CLCA1: variants seen among roughly 807,000 people sequenced by gnomAD.
CLCA1 encodes the protein calcium-activated chloride channel regulator 1.
Under a neutral mutation model 85.6 loss-of-function variants are expected in CLCA1, and 59 were observed. The ratio of observed to expected loss-of-function variants is 0.69; its 90% CI spans 0.56 to 0.86. The LOEUF is 0.86. Ranked by LOEUF, CLCA1 falls within the 40% of genes least tolerant of loss-of-function variation. The pLI is 0.00. For synonymous variants in CLCA1, 396 were observed against 398.3 expected (o/e 0.99, Z 0.07); for missense variants, 1,022 against 1,101.4 (o/e 0.93, Z 1.02).
intron 8 of CLCA1, among the ~76,000 whole-genome samples, chr1:86,490,059 G>C (rs952932406): frequency 6.6e-6 from 1 of 152,228 alleles, no homozygotes; most frequent in Non-Finnish European, 1.5e-5. Flanking sequence ...GCCCACAGGG[G>C]ACTCTGGAAT....
At chr1:86,476,623 CT>C (rs2101730570) in intron 4 of CLCA1, 70 bp downstream of exon 4, 1 of 706,266 alleles carries the variant, frequency 1.4e-6, no homozygotes, top group South Asian at 2.0e-5. Context: ...GAATTGATTA[CT>C]TTAAAAAATG....
chr1:86,482,127 C>A (rs753230568), intron 4 of CLCA1, 78 bp from the exon 5 acceptor site: 4 of 1,033,056 alleles, frequency 3.9e-6, no homozygotes, highest in Non-Finnish European at 5.7e-6. Context: ...GAAAGGCAAT[C>A]TGTCAGAAAC....
chr1:86,474,366 A>G (rs1463307558), intron 3 of CLCA1, among the ~76,000 whole-genome samples: 2 of 152,192 alleles, frequency 1.3e-5, no homozygotes, highest in Non-Finnish European at 2.9e-5. Flanking sequence ...CATCCTGGCT[A>G]ACACAGTGAA....
chr1:86,484,124 G>A (rs190814405), intron 5 of CLCA1, among the ~76,000 whole-genome samples: 3 of 152,242 alleles, frequency 2.0e-5, no homozygotes, highest in East Asian at 1.9e-4. Flanking sequence ...CCCTCGACAC[G>A]TGGGGATTAC....
At chr1:86,471,805 T>C (rs769348103) in intron 1 of CLCA1, among the ~76,000 whole-genome samples, 1 of 152,026 alleles carries the variant, frequency 6.6e-6, no homozygotes, top group Non-Finnish European at 1.5e-5. Flanking sequence ...AAGGGAGAAA[T>C]TGAGGCTCAG....
At position 86,473,442 on chromosome 1, in the gene CLCA1, A is replaced by G; in HGVS notation, c.188A>G (p.Tyr63Cys). The change falls in exon 2 of 14, where the codon TAT becomes TGT. Residue 63 changes from tyrosine (Y) to cysteine (C), a missense_variant. Physicochemically the swap from Tyr to Cys is radical, Grantham distance 194. Transcript: ENST00000394711. ...IKDMVTQASL[Y>C]LLEATGKRFY... ...GACATGGTGACCCAGGCATCTCTGTATCTGCTTGAAGCTACAGGAAAGCGA... is the reference window on the plus strand; with the variant it reads ...GACATGGTGACCCAGGCATCTCTGTGTCTGCTTGAAGCTACAGGAAAGCGA... 6.2e-7 allele frequency: 1 copy of G among 1,602,822 alleles called. No homozygotes were observed. The highest frequency in any genetic ancestry group is 8.5e-7 in the Non-Finnish European group (1 of 1,171,594).
In CLCA1 at chr1:86,491,270, T is replaced by G. The variant is rs1223788392; in HGVS notation, c.1363T>G (p.Leu455Val). The stretch of plus-strand genomic sequence containing the variant: ...AAAATGTAATTGCATTTTAGGAGGT[T>G]TACAGACATATGCTTCAGATCAAGT... ...LEELSKMTGG[L>V]QTYASDQVQN... Residue 455 changes from leucine to valine, a missense_variant, in exon 9 of 14, where the codon TTA (leucine) becomes GTA (valine). Leu to Val is a conservative substitution (Grantham distance 32). Coordinates refer to ENST00000394711, the MANE Select transcript of CLCA1 (RefSeq NM_001285.4). 3.3e-5 allele frequency: 53 copies of G among 1,610,188 alleles called. No individual in the cohort carries two copies. Among genetic ancestry groups the G allele is most frequent in the Non-Finnish European group, 4.3e-5 (51 of 1,177,808 alleles).
At chr1:86,499,630 C>T (rs1282675166) in intron 13 of CLCA1, 24 bp from the exon 14 acceptor site, 2 of 1,443,034 alleles carry the variant, frequency 1.4e-6, no homozygotes, top group Non-Finnish European at 1.9e-6. Flanking sequence ...GAATTAAAGT[C>T]ACATTCTTCT....
At chr1:86,492,582 G>C (rs1024142145) in intron 9 of CLCA1, among the ~76,000 whole-genome samples, 19 of 152,300 alleles carry the variant, frequency 1.2e-4, no homozygotes, top group East Asian at 1.9e-4. Context: ...AGCCCACTCT[G>C]TCTTCTAATA....
intron 13 of CLCA1, 128 bp from the exon 14 acceptor site, chr1:86,499,526 C>T (rs374126412): frequency 1.6e-4 from 99 of 625,568 alleles, no homozygotes; most frequent in African/African-American, 1.5e-3. Flanking sequence ...ATTTGGGAAC[C>T]TTATGGGGTG....
intron 1 of CLCA1, among the ~76,000 whole-genome samples, chr1:86,470,893 T>G (rs1436537649): frequency 1.3e-5 from 2 of 152,154 alleles, no homozygotes; most frequent in Admixed American, 1.3e-4. Context: ...TAACTCAGCT[T>G]TTAAAATATT....
intron 11 of CLCA1, 30 bp downstream of exon 11, chr1:86,494,478 A>G (rs759131752): frequency 3.1e-6 from 5 of 1,609,356 alleles, no homozygotes; most frequent in Non-Finnish European, 4.2e-6. Context: ...GAAGATATTT[A>G]TTTCTTTTTC....
chr1:86,480,497 C>A (rs747420623), intron 4 of CLCA1, among the ~76,000 whole-genome samples: 1 of 152,074 alleles, frequency 6.6e-6, no homozygotes, highest in East Asian at 1.9e-4. Flanking sequence ...GTGGCACATG[C>A]CTGTGGTCCC....
At chr1:86,494,013 T>C (rs1648207264) in intron 10 of CLCA1, among the ~76,000 whole-genome samples, 174 bp from the exon 11 acceptor site, 1 of 152,164 alleles carries the variant, frequency 6.6e-6, no homozygotes, top group Non-Finnish European at 1.5e-5. Flanking sequence ...ATGATATAGT[T>C]AGTTCAAACA....
Position 86,486,740 on chromosome 1 carries a change from G to T in CLCA1, c.1169G>T (p.Arg390Leu). The change falls in exon 7 of 14, where the codon CGA (arginine) becomes CTA (leucine). Residue 390 changes from arginine (R) to leucine (L), a missense_variant. Coordinates refer to ENST00000394711, the MANE Select transcript of CLCA1 (RefSeq NM_001285.4). The stretch of plus-strand genomic sequence containing the variant: ...GGGACGTCCATCTGCAGCGGGCTTC[G>T]ATCGGCATTTACTGTGAGATGTGTT... ...SGGTSICSGL[R>L]SAFTVIRKKY... The T allele has an allele frequency of 1.2e-6, 2 of 1,614,070 alleles. No homozygotes were observed. The highest frequency in any genetic ancestry group is 8.5e-7 in the Non-Finnish European group (1 of 1,179,942).
chr1:86,489,298 C>T (rs1362446085), intron 8 of CLCA1, 128 bp downstream of exon 8: 2 of 822,220 alleles, frequency 2.4e-6, no homozygotes, highest in Middle Eastern at 3.7e-4. Flanking sequence ...AACTAGCCAC[C>T]CTTACCCCTG....
intron 4 of CLCA1, among the ~76,000 whole-genome samples, chr1:86,481,931 C>G (rs369041795): frequency 2.0e-5 from 3 of 152,330 alleles, no homozygotes; most frequent in Non-Finnish European, 2.9e-5. Context: ...AGGACTTAGT[C>G]TGTATTAATG....
At position 86,473,743 on chromosome 1, in the gene CLCA1, T is replaced by C; in HGVS notation, c.318T>C (p.Val106=). ...TTAAATTTCAGGCTGATGTTCTGGT[T>C]GCTGAGTCTACTCCTCCAGGTAATG... ...LETYKNADVL[V]AESTPPGNDE... is the part of the protein sequence containing the mutation. Residue 106 remains valine (V), a synonymous_variant, in exon 3 of 14, where the codon GTT becomes GTC. Transcript: ENST00000394711. 1 of 1,578,538 alleles carries C rather than the reference T, an allele frequency of 6.3e-7. No individual in the cohort carries two copies. Among genetic ancestry groups the C allele is most frequent in the Non-Finnish European group, 8.6e-7 (1 of 1,163,980 alleles).
intron 9 of CLCA1, among the ~76,000 whole-genome samples, chr1:86,492,601 C>T (rs150009628): frequency 6.6e-6 from 1 of 152,342 alleles, no homozygotes; most frequent in East Asian, 1.9e-4. Context: ...TAGGTGCTAA[C>T]TCTGAGACAA....
Sources: allele counts gnomAD v4.1 joint callset (sites outside exome capture counted in the v4.1 genomes callset), GRCh38; gene constraint gnomAD v4.1.1; transcripts MANE v1.5; gene names NCBI Gene and HGNC (gene_info 2026-07-23, HGNC 2026-07-21).